ERC2: variants seen among roughly 807,000 people sequenced by gnomAD.
The protein encoded by ERC2 is ERC protein 2.
ERC2 carries 42 observed loss-of-function variants against 114.8 expected under a neutral mutation model. The observed-to-expected ratio is 0.37, with a 90% CI of 0.29 to 0.47. The LOEUF is 0.47. Ranked by LOEUF, ERC2 falls within the 20% of genes least tolerant of loss-of-function variation. The probability of loss-of-function intolerance (pLI) is 0.99; values close to 1 mark genes in which losing one functional copy is unlikely to be tolerated. For synonymous variants in ERC2, 454 were observed against 425.5 expected, an observed-to-expected ratio of 1.07 and a Z score of -0.82; for missense variants, 939 against 1,150.7, an observed-to-expected ratio of 0.82 and a Z score of 2.66.
At chr3:55,921,910 C>A (rs533247130) in intron 13 of ERC2, among the ~76,000 whole-genome samples, 69 of 152,032 alleles carry the variant, frequency 4.5e-4, no homozygotes, top group Non-Finnish European at 7.8e-4. Flanking sequence ...TTAAGTGAAG[C>A]TTTGTTAAAT....
chr3:55,577,622 A>C (rs2057049879), intron 17 of ERC2, among the ~76,000 whole-genome samples: 1 of 152,202 alleles, frequency 6.6e-6, no homozygotes, highest in Admixed American at 6.5e-5. Context: ...CAAGAAGCCT[A>C]AAGACATCCC....
In ERC2 at chr3:55,767,394, T is replaced by C. The variant is rs76211647; in HGVS notation, c.2565-32476A>G. On this transcript the variant is annotated intron_variant, in intron 14 of 17. Transcript: ENST00000288221. Reference sequence around the variant, plus strand: ...CCAGAGGCTTCGGCAAGGCCACCTATTCAGTTTCCACTGGCCGTCTTAACT... The same window carrying C: ...CCAGAGGCTTCGGCAAGGCCACCTACTCAGTTTCCACTGGCCGTCTTAACT... Among the ~76,000 whole-genome samples the C allele has an allele frequency of 6.4e-3, 969 of 152,330 alleles. 8 individuals are homozygous for C. The highest frequency in any genetic ancestry group is 0.022 in the African/African-American group (903 of 41,570).
intron 3 of ERC2, among the ~76,000 whole-genome samples, chr3:56,228,452 A>G (rs2050393779): frequency 2.0e-5 from 3 of 152,246 alleles, no homozygotes; most frequent in African/African-American, 7.2e-5. Context: ...TATAAGCAGA[A>G]TCATACAGTA....
chr3:56,361,872 C>G (rs2058970844), intron 2 of ERC2, among the ~76,000 whole-genome samples: 1 of 152,144 alleles, frequency 6.6e-6, no homozygotes, highest in South Asian at 2.1e-4. Context: ...ACACTGAGAC[C>G]TGCAGTAACA....
At chr3:55,910,415 A>G (rs893494367) in intron 13 of ERC2, among the ~76,000 whole-genome samples, 1 of 152,072 alleles carries the variant, frequency 6.6e-6, no homozygotes, top group African/African-American at 2.4e-5. Flanking sequence ...AAAAACAAAA[A>G]AAACAAAACA....
chr3:56,328,650 T>A (rs1367273750), intron 2 of ERC2, among the ~76,000 whole-genome samples: 1 of 152,178 alleles, frequency 6.6e-6, no homozygotes, highest in East Asian at 1.9e-4. Flanking sequence ...CATACATGAA[T>A]TCTCCCATTT....
chr3:56,108,148 G>A (rs2078769108), intron 6 of ERC2, among the ~76,000 whole-genome samples: 1 of 152,118 alleles, frequency 6.6e-6, no homozygotes, highest in African/African-American at 2.4e-5. Context: ...AAGCTAGTGA[G>A]CACTTTAATT....
chr3:56,300,280 C>CAAAAAAAAAAA (rs200816892), intron 2 of ERC2, among the ~76,000 whole-genome samples: 68 of 92,690 alleles, frequency 7.3e-4, no homozygotes, highest in Non-Finnish European at 8.1e-4. Context: ...TCATGAAATA[C>CAAAAAAAAAAA]AAAAAAAAAA....
chr3:56,220,574 G>T (rs2049837273), intron 3 of ERC2, among the ~76,000 whole-genome samples: 1 of 152,202 alleles, frequency 6.6e-6, no homozygotes, highest in African/African-American at 2.4e-5. Context: ...AGTCAGCAAT[G>T]CCACTGTAGC....
chr3:56,234,362 C>T (rs1204274842), intron 3 of ERC2, among the ~76,000 whole-genome samples: 1 of 152,162 alleles, frequency 6.6e-6, no homozygotes, highest in Non-Finnish European at 1.5e-5. Context: ...TGGCTTTTCC[C>T]TTCAGTGGGT....
chr3:56,019,082 C>A lies in ERC2; in HGVS notation c.1642-51G>T. The A allele has an allele frequency of 3.6e-6, 5 of 1,400,952 alleles. No individual in the cohort carries two copies. The South Asian group carries it at 4.0e-5, about 11-fold the overall frequency. The allele number at this position is 1,400,952 out of a possible 1,614,324, so 86.8% of individuals were successfully genotyped here. A position where few individuals can be genotyped will look rare whatever the true frequency, so the allele number is the denominator to read the frequency against. On this transcript the variant is annotated intron_variant, in intron 7 of 17. Coordinates refer to ENST00000288221, the MANE Select transcript of ERC2 (RefSeq NM_015576.3). ...TGCATATTTGATTACATATCCTAGGCCAAAATTCCTGAAGTGGATCTATTA... is the reference window on the plus strand; with the variant it reads ...TGCATATTTGATTACATATCCTAGGACAAAATTCCTGAAGTGGATCTATTA...
At chr3:56,171,457 C>T (rs192269906) in intron 4 of ERC2, among the ~76,000 whole-genome samples, 7 of 152,218 alleles carry the variant, frequency 4.6e-5, no homozygotes, top group South Asian at 4.1e-4. Flanking sequence ...CTTGAGGATC[C>T]GTTTCCGTTT....
At chr3:56,146,555 G>T (rs2081145797) in intron 5 of ERC2, among the ~76,000 whole-genome samples, 1 of 152,074 alleles carries the variant, frequency 6.6e-6, no homozygotes, top group African/African-American at 2.4e-5. Flanking sequence ...TTATTGTTAT[G>T]ATTATTATTT....
intron 12 of ERC2, among the ~76,000 whole-genome samples, chr3:55,979,664 G>A (rs756311022): frequency 1.3e-5 from 2 of 152,104 alleles, no homozygotes; most frequent in Admixed American, 1.3e-4. Context: ...GGATGAGAAC[G>A]TCAATCTGCA....
Position 56,296,192 on chromosome 3 carries a change from G to T in ERC2, c.901C>A (p.Arg301=), listed in dbSNP as rs750287414. The T allele has an allele frequency of 1.9e-5, 31 of 1,613,812 alleles. No homozygotes were observed. The highest frequency in any genetic ancestry group is 1.6e-4 in the Middle Eastern group (1 of 6,084). The change falls in exon 3 of 18, where the codon CGA becomes AGA. Residue 301 remains arginine (R), a synonymous_variant. Transcript: ENST00000288221. ...AGAAGTTTTTTAATTGACTCATCTCGGGCATTGAGGGTTTGTTTCTGCGTT... is the reference window on the plus strand; with the variant it reads ...AGAAGTTTTTTAATTGACTCATCTCTGGCATTGAGGGTTTGTTTCTGCGTT... ...IETQKQTLNA[R]DESIKKLLEM...
chr3:55,676,774 G>T (rs1466237642), intron 17 of ERC2, among the ~76,000 whole-genome samples: 1 of 152,142 alleles, frequency 6.6e-6, no homozygotes, highest in Non-Finnish European at 1.5e-5. Flanking sequence ...ATGACAAAAG[G>T]GTGGGAGAGC....
At chr3:55,704,864 T>C (rs142302111) in intron 15 of ERC2, among the ~76,000 whole-genome samples, 14 of 152,378 alleles carry the variant, frequency 9.2e-5, no homozygotes, top group African/African-American at 2.9e-4. Flanking sequence ...ACTGCAATGA[T>C]GCCAAGAATA....
At chr3:55,594,649 A>AT (rs770474671) in intron 17 of ERC2, among the ~76,000 whole-genome samples, 44 of 151,878 alleles carry the variant, frequency 2.9e-4, no homozygotes, top group Non-Finnish European at 4.9e-4. Context: ...CACATGGTTA[A>AT]TTTTTTGCAT....
At chr3:56,334,693 C>T (rs572574654) in intron 2 of ERC2, among the ~76,000 whole-genome samples, 3 of 152,230 alleles carry the variant, frequency 2.0e-5, no homozygotes, top group East Asian at 1.9e-4. Context: ...ACATTTAAAA[C>T]GTTGCCAAGG....
Sources: gnomAD v4.1 joint callset for allele counts (sites outside exome capture counted in the v4.1 genomes callset) on GRCh38, gnomAD v4.1.1 for gene constraint, MANE v1.5 for transcripts, NCBI Gene and HGNC (gene_info 2026-07-23, HGNC 2026-07-21) for gene names.